The following ADGRG3 variants were observed in gnomAD, a reference collection of about 807,000 sequenced individuals.
ADGRG3 encodes the protein G protein-coupled receptor 97.
ADGRG3 carries 39 observed loss-of-function variants against 54.3 expected under a neutral mutation model. The observed-to-expected ratio is 0.72, with a 90% CI of 0.56 to 0.94. The LOEUF (loss-of-function observed/expected upper bound fraction) is 0.94. ADGRG3 is among the 40% of genes least tolerant of loss of function. The pLI, the probability that ADGRG3 is intolerant of heterozygous loss-of-function variation, is 0.00. For synonymous variants in ADGRG3, 312 were observed against 290.0 expected (o/e 1.08, Z -0.77); for missense variants, 654 against 694.6 (o/e 0.94, Z 0.66).
chr16:57,673,548 C>T, intron 2 of ADGRG3, 80 bp downstream of exon 2: 1 of 1,311,244 alleles, frequency 7.6e-7, no homozygotes, highest in South Asian at 1.4e-5. Flanking sequence ...GGCCATCTTC[C>T]CCCATGGCCC....
chr16:57,668,461 G>A (rs1009205617), intron 1 of ADGRG3, 56 bp downstream of exon 1: 70 of 1,454,266 alleles, frequency 4.8e-5, no homozygotes, highest in Middle Eastern at 3.6e-4. Context: ...CTGCCCTGCC[G>A]AGGGAGGGAT....
rs1456471698 is a variant in ADGRG3 at position 57,688,378 on chromosome 16, A to G, written c.1567A>G (p.Ile523Val). ...TGTCTTCATCTGCTGCTGGTTCACCATCCTTTACCTCCCAAGTCAGAGCAC... is the reference window on the plus strand; with the variant it reads ...TGTCTTCATCTGCTGCTGGTTCACCGTCCTTTACCTCCCAAGTCAGAGCAC... ...QGVFICCWFT[I>V]LYLPSQSTTV... Residue 523 changes from isoleucine to valine, a missense_variant, in exon 12 of 12, where the codon ATC becomes GTC. By Grantham distance (29) the Ile-to-Val change is conservative. Coordinates refer to ENST00000333493, the MANE Select transcript of ADGRG3 (RefSeq NM_170776.5). The G allele has an allele frequency of 2.5e-6, 4 of 1,613,218 alleles. No homozygotes were observed. Among genetic ancestry groups the G allele is most frequent in the Non-Finnish European group, 3.4e-6 (4 of 1,179,304 alleles).
At chr16:57,669,192 T>A (rs10852556) in intron 1 of ADGRG3, among the ~76,000 whole-genome samples, 1 of 152,106 alleles carries the variant, frequency 6.6e-6, no homozygotes, top group East Asian at 1.9e-4. Context: ...GGCCACTCTC[T>A]TTTTGCTCCT....
chr16:57,682,257 G>A (rs915723876), intron 8 of ADGRG3, among the ~76,000 whole-genome samples: 17 of 152,332 alleles, frequency 1.1e-4, no homozygotes, highest in Admixed American at 8.5e-4. Flanking sequence ...GCCTAGGGGA[G>A]CTGCCAGTGC....
chr16:57,669,626 C>T (rs1223704282), intron 1 of ADGRG3, among the ~76,000 whole-genome samples: 3 of 152,186 alleles, frequency 2.0e-5, no homozygotes, highest in Non-Finnish European at 4.4e-5. Flanking sequence ...TCTGAGAGGT[C>T]TACACACAGG....
At chr16:57,685,578 G>T (rs1411026179) in intron 10 of ADGRG3, 65 bp from the exon 11 acceptor site, 4 of 1,496,168 alleles carry the variant, frequency 2.7e-6, no homozygotes, top group South Asian at 2.4e-5. Context: ...TCAGCCAGGG[G>T]ACTTCCTGGG....
rs752179428 is a variant in ADGRG3, at chr16:57,678,239, C to T, written c.415C>T (p.Arg139Ter). The T allele has an allele frequency of 5.0e-6, 8 of 1,614,144 alleles. No individual in the cohort carries two copies. Among genetic ancestry groups the T allele is most frequent in the South Asian group, 2.2e-5 (2 of 91,084 alleles). Residue 139 changes from arginine to a stop codon, truncating the protein, a stop_gained, in exon 4 of 12, where the codon CGA becomes TGA. Transcript: ENST00000333493. LOFTEE classifies it high-confidence loss of function. The stretch of plus-strand genomic sequence containing the variant: ...AGTGCGACTTCCCAAGAGCCTTTTT[C>T]GATCCCTGCCAGGCAACAGGTCTGT... ...DRVRLPKSLF[R>*]SLPGNRSVVR...
rs1157980263 is a variant in ADGRG3 at position 57,683,937 on chromosome 16, C to T, written c.887C>T (p.Ser296Phe). Residue 296 changes from serine to phenylalanine, a missense_variant, in exon 9 of 12, where the codon TCC (serine) becomes TTC (phenylalanine). Physicochemically the swap from Ser to Phe is radical, Grantham distance 155. Coordinates refer to ENST00000333493, the MANE Select transcript of ADGRG3 (RefSeq NM_170776.5). ...CCTCTTATTTCTCACCCCAGGCTTTCCCGGGAGAGGTTCAAGTCAGAAGAT... is the reference window on the plus strand; with the variant it reads ...CCTCTTATTTCTCACCCCAGGCTTTTCCGGGAGAGGTTCAAGTCAGAAGAT... ...TIILYAFLRL[S>F]RERFKSEDAP... is the part of the protein sequence containing the mutation. 9 of 1,547,474 alleles carry T rather than the reference C, an allele frequency of 5.8e-6. No homozygotes were observed. The South Asian group carries it at 1.1e-4, about 19-fold the overall frequency.
At chr16:57,669,403 C>A (rs558842604) in intron 1 of ADGRG3, among the ~76,000 whole-genome samples, 6 of 152,340 alleles carry the variant, frequency 3.9e-5, no homozygotes, top group Admixed American at 2.6e-4. Flanking sequence ...CCCCGGGAGG[C>A]CCTGGTACAG....
upstream of ADGRG3, among the ~76,000 whole-genome samples, chr16:57,666,056 C>T (rs1420623037): frequency 6.6e-6 from 1 of 152,018 alleles, no homozygotes; most frequent in Non-Finnish European, 1.5e-5. Flanking sequence ...GAGGCCAAAC[C>T]TTCCCAAGCC....
intron 8 of ADGRG3, chr16:57,682,752 C>A: frequency 1.9e-6 from 1 of 526,386 alleles, no homozygotes; most frequent in Non-Finnish European, 2.4e-6. Context: ...GGAGGTGAGC[C>A]TGGTGAGTCA....
intron 1 of ADGRG3, among the ~76,000 whole-genome samples, chr16:57,670,952 C>T (rs538609230): frequency 3.1e-4 from 47 of 152,234 alleles, no homozygotes; most frequent in Middle Eastern, 3.4e-3. Context: ...CGCCTCAGCC[C>T]CCAGCACCAC....
At chr16:57,674,527 C>T in intron 2 of ADGRG3, 1 of 450,120 alleles carries the variant, frequency 2.2e-6, no homozygotes. Flanking sequence ...GGTGTTAGGA[C>T]AGCCATCTCA....
At chr16:57,668,609 GCTCAGGACTGGT>G (rs1461985173) in intron 1 of ADGRG3, among the ~76,000 whole-genome samples, 57 of 152,302 alleles carry the variant, frequency 3.7e-4, no homozygotes, top group Admixed American at 6.5e-4. Context: ...ACTAAACCTT[GCTCAGGACTGGT>G]CTCAGGTTCC....
At chr16:57,673,823 C>T (rs749099732) in intron 2 of ADGRG3, among the ~76,000 whole-genome samples, 1 of 152,144 alleles carries the variant, frequency 6.6e-6, no homozygotes, top group African/African-American at 2.4e-5. Context: ...AGGAGGAAAC[C>T]TGGAAAGGGC....
intron 11 of ADGRG3, among the ~76,000 whole-genome samples, chr16:57,687,202 G>A (rs1452359886): frequency 5.3e-5 from 8 of 151,592 alleles, no homozygotes; most frequent in South Asian, 2.1e-4. Context: ...AGCTCCTTCC[G>A]TCCTCATTCA....
chr16:57,686,092 T>C, intron 11 of ADGRG3, 166 bp downstream of exon 11: 1 of 679,552 alleles, frequency 1.5e-6, no homozygotes, highest in South Asian at 1.8e-5. Context: ...GCAGCAAAGT[T>C]TGGCTGCTGT....
chr16:57,682,417 A>G, intron 8 of ADGRG3: 1 of 903,390 alleles, frequency 1.1e-6, no homozygotes, highest in Non-Finnish European at 1.3e-6. Context: ...AGCCCCAACT[A>G]GGCCCACCCA....
In ADGRG3 at chr16:57,673,396, A is replaced by T; in HGVS notation, c.134A>T (p.Asn45Ile). 1 of 1,613,908 alleles carries T rather than the reference A, an allele frequency of 6.2e-7. No individual in the cohort carries two copies. Among genetic ancestry groups the T allele is most frequent in the Non-Finnish European group, 8.5e-7 (1 of 1,179,750 alleles). Residue 45 changes from asparagine to isoleucine, a missense_variant, in exon 2 of 12, where the codon AAT (asparagine) becomes ATT (isoleucine). By Grantham distance (149) the Asn-to-Ile change is moderately radical (BLOSUM62 -3). Transcript: ENST00000333493. ...AACATGTACGACATCTTCAACTTGA[A>T]TGACAAGGCTTTGTGCTTCACCAAG... Reference protein sequence around the residue: ...SNNMYDIFNLNDKALCFTKCR... With the variant: ...SNNMYDIFNLIDKALCFTKCR...
Sources: gnomAD v4.1 joint callset for allele counts (sites outside exome capture counted in the v4.1 genomes callset) on GRCh38, gnomAD v4.1.1 for gene constraint, MANE v1.5 for transcripts, NCBI Gene and HGNC (gene_info 2026-07-23, HGNC 2026-07-21) for gene names.